Variants in FBXO36 observed in about 807,000 individuals in gnomAD.
FBXO36 encodes the protein F-box protein 36, also known as F-box only protein 36.
FBXO36 carries 18 observed loss-of-function variants against 17.0 expected under a neutral mutation model. The ratio of observed to expected loss-of-function variants is 1.06; its 90% CI spans 0.73 to 1.57. The LOEUF is 1.57. Ranked by LOEUF, FBXO36 falls within the 40% of genes most tolerant of loss-of-function variation. The pLI is 0.00. For missense variants in FBXO36, 229 were observed against 221.9 expected, an observed-to-expected ratio of 1.03 and a Z score of -0.20; for synonymous variants, 83 against 85.3, an observed-to-expected ratio of 0.97 and a Z score of 0.15.
Position 230,010,901 on chromosome 2 carries a change from C to T in FBXO36, c.*17C>T, listed in dbSNP as rs776086525. On this transcript the variant is annotated 3_prime_UTR_variant, in exon 4 of 4. Coordinates refer to ENST00000283946, the MANE Select transcript of FBXO36 (RefSeq NM_174899.5). Reference sequence around the variant, plus strand: ...CAACCTTAGGCACACATTTTCCTACCAGCAGGGAGCTCAGGCATGGCTGTG... The same window carrying T: ...CAACCTTAGGCACACATTTTCCTACTAGCAGGGAGCTCAGGCATGGCTGTG... 3.8e-6 allele frequency: 6 copies of T among 1,589,916 alleles called. No homozygotes were observed. Among genetic ancestry groups the T allele is most frequent in the Non-Finnish European group, 4.3e-6 (5 of 1,165,760 alleles).
At chr2:229,983,974 G>A (rs191963331) in intron 2 of FBXO36, among the ~76,000 whole-genome samples, 3 of 152,280 alleles carry the variant, frequency 2.0e-5, no homozygotes, top group Admixed American at 2.0e-4. Context: ...TCTCCTCCAA[G>A]CTCCCTTCCC....
chr2:229,926,860 G>GT (rs796678026), intron 1 of FBXO36, among the ~76,000 whole-genome samples: 96 of 147,778 alleles, frequency 6.5e-4, no homozygotes, highest in African/African-American at 1.3e-3. Flanking sequence ...AAGGATCTTT[G>GT]TTTTTTTTTT....
At chr2:229,929,391 G>A (rs1045386275) in intron 1 of FBXO36, among the ~76,000 whole-genome samples, 4 of 151,596 alleles carry the variant, frequency 2.6e-5, no homozygotes, top group Admixed American at 1.3e-4. Flanking sequence ...GTGAAACCCC[G>A]TCTCTACTAA....
chr2:229,990,092 G>A (rs947874085), intron 2 of FBXO36, among the ~76,000 whole-genome samples: 1 of 151,694 alleles, frequency 6.6e-6, no homozygotes, highest in African/African-American at 2.4e-5. Flanking sequence ...TATCCTTTCT[G>A]TTCCTCATTT....
At chr2:229,932,922 C>T (rs2076946361) in intron 1 of FBXO36, 4 of 306,892 alleles carry the variant, frequency 1.3e-5, no homozygotes, top group South Asian at 2.5e-5. Context: ...TAAAAATTAG[C>T]CGGGCGTGGT....
At chr2:229,975,111 T>TA (rs1184373389) in intron 1 of FBXO36, among the ~76,000 whole-genome samples, 4 of 152,320 alleles carry the variant, frequency 2.6e-5, no homozygotes, top group Admixed American at 2.0e-4. Flanking sequence ...ACACAGCCTT[T>TA]AAGTGCAGTC....
At chr2:229,941,220 C>A (rs1322352180) in intron 1 of FBXO36, among the ~76,000 whole-genome samples, 1 of 152,112 alleles carries the variant, frequency 6.6e-6, no homozygotes, top group Non-Finnish European at 1.5e-5. Context: ...CTTTGGGAGG[C>A]CGAGGCAGGC....
At chr2:230,001,540 G>A (rs1267953840) in intron 3 of FBXO36, among the ~76,000 whole-genome samples, 14 of 151,740 alleles carry the variant, frequency 9.2e-5, no homozygotes, top group Non-Finnish European at 1.6e-4. Context: ...CACCTGCCTC[G>A]GCCTCCCAAA....
Position 230,010,952 on chromosome 2 carries a change from C to T in FBXO36, c.*68C>T. ...TTTCTCTTCAGTGTCCAAATCTCTT[C>T]TGTCTCCTTTTCTTAAGAACTAAGA... On this transcript the variant is annotated 3_prime_UTR_variant, in exon 4 of 4. Coordinates refer to ENST00000283946, the MANE Select transcript of FBXO36 (RefSeq NM_174899.5). 11 of 1,447,074 alleles carry T rather than the reference C, an allele frequency of 7.6e-6. No individual in the cohort carries two copies. The highest frequency in any genetic ancestry group is 1.0e-5 in the Non-Finnish European group (11 of 1,077,820). The allele number at this position is 1,447,074 out of a possible 1,614,324, so 89.6% of individuals were successfully genotyped here. A position where few individuals can be genotyped will look rare whatever the true frequency, so the allele number is the denominator to read the frequency against.
rs1553802923 is a variant in FBXO36, at chr2:229,933,688, A to G, written c.96+11079A>G. ...TATGGAAAATACTGAGACCCCCTCT[A>G]TGTTGTTATTTTTTTGAGATGGAGT... On this transcript the variant is annotated intron_variant, in intron 1 of 3. Transcript: ENST00000283946. Among the ~76,000 whole-genome samples the G allele has an allele frequency of 5.9e-5, 9 of 152,110 alleles. No homozygotes were observed. In the South Asian group the frequency reaches 1.7e-3, roughly 28 times the overall value.
At chr2:229,970,068 A>G (rs2077173282) in intron 1 of FBXO36, among the ~76,000 whole-genome samples, 1 of 152,206 alleles carries the variant, frequency 6.6e-6, no homozygotes, top group Non-Finnish European at 1.5e-5. Flanking sequence ...TAGGAATGTA[A>G]AGTGCCCATT....
Position 229,922,523 on chromosome 2 carries a change from T to G in FBXO36, c.10T>G (p.Trp4Gly). 1 of 1,613,916 alleles carries G rather than the reference T, an allele frequency of 6.2e-7. No homozygotes were observed. The highest frequency in any genetic ancestry group is 1.1e-5 in the South Asian group (1 of 91,070). The change falls in exon 1 of 4, where the codon TGG (tryptophan) becomes GGG (glycine). Residue 4 changes from tryptophan (W) to glycine (G), a missense_variant. Coordinates refer to ENST00000283946, the MANE Select transcript of FBXO36 (RefSeq NM_174899.5). MAS[W>G]LPETLFETVG... is the part of the protein sequence containing the mutation. ...GCGGTGGCGTCCCAAGATGGCGTCGTGGCTGCCGGAGACTCTCTTTGAAAC... is the reference window on the plus strand; with the variant it reads ...GCGGTGGCGTCCCAAGATGGCGTCGGGGCTGCCGGAGACTCTCTTTGAAAC...
chr2:229,990,105 T>C (rs908164251), intron 2 of FBXO36, among the ~76,000 whole-genome samples: 1 of 151,926 alleles, frequency 6.6e-6, no homozygotes, highest in Non-Finnish European at 1.5e-5. Context: ...CCTCATTTCC[T>C]AGTTTCTCTC....
At chr2:230,004,231 C>T (rs532956977) in intron 3 of FBXO36, among the ~76,000 whole-genome samples, 1 of 152,284 alleles carries the variant, frequency 6.6e-6, no homozygotes, top group Non-Finnish European at 1.5e-5. Context: ...GGCTTTTGTG[C>T]TTGCTTGCCC....
At chr2:229,935,639 T>C (rs1016117633) in intron 1 of FBXO36, among the ~76,000 whole-genome samples, 4 of 152,200 alleles carry the variant, frequency 2.6e-5, no homozygotes, top group African/African-American at 7.2e-5. Context: ...TTGGCAGATA[T>C]TGTTAACGAT....
intron 1 of FBXO36, among the ~76,000 whole-genome samples, chr2:229,956,930 A>G (rs2077091532): frequency 6.6e-6 from 1 of 152,098 alleles, no homozygotes; most frequent in African/African-American, 2.4e-5. Context: ...TTGAATTAGG[A>G]TTATACCCAT....
chr2:229,942,464 A>C (rs1002664456), intron 1 of FBXO36, among the ~76,000 whole-genome samples: 5 of 152,046 alleles, frequency 3.3e-5, no homozygotes, highest in African/African-American at 1.2e-4. Context: ...TACCTGTTGG[A>C]GTGAGTCTGT....
In FBXO36 at chr2:229,938,216, C is replaced by CTTTTTTTTTTT. The variant is rs71049603; in HGVS notation, c.96+15619_96+15629dup. Reference sequence around the variant, plus strand: ...AACCGGATTGGTTAGATACAACTTTCTTTTTTTTTTTTTTTTTTTTTTGAG... The same window carrying CTTTTTTTTTTT: ...AACCGGATTGGTTAGATACAACTTTCTTTTTTTTTTTTTTTTTTTTTTTTTTTTTTTTTGAG... On this transcript the variant is annotated intron_variant, in intron 1 of 3. Coordinates refer to ENST00000283946, the MANE Select transcript of FBXO36 (RefSeq NM_174899.5). Among the ~76,000 whole-genome samples, 3 of 73,258 alleles carry CTTTTTTTTTTT rather than the reference C, an allele frequency of 4.1e-5. 1 individual carries two copies. Among genetic ancestry groups the CTTTTTTTTTTT allele is most frequent in the East Asian group, 4.6e-4 (1 of 2,172 alleles). 48.1% of individuals were successfully genotyped at this position (73,258 alleles called of 152,430 possible).
At chr2:229,984,321 C>G (rs2077255905) in intron 2 of FBXO36, among the ~76,000 whole-genome samples, 1 of 151,738 alleles carries the variant, frequency 6.6e-6, no homozygotes, top group Non-Finnish European at 1.5e-5. Flanking sequence ...GCACTCCAGC[C>G]TGGCAACAGA....
Sources: gnomAD v4.1 joint callset for allele counts (sites outside exome capture counted in the v4.1 genomes callset) on GRCh38, gnomAD v4.1.1 for gene constraint, MANE v1.5 for transcripts, NCBI Gene and HGNC (gene_info 2026-07-23, HGNC 2026-07-21) for gene names.